Variants in CADM1 observed in about 807,000 individuals in gnomAD.
CADM1 encodes the protein TSLC-1.
CADM1 carries 15 observed loss-of-function variants against 53.1 expected under a neutral mutation model. The observed-to-expected ratio is 0.28, with a 90% CI of 0.19 to 0.44. The LOEUF (loss-of-function observed/expected upper bound fraction) is 0.44, where lower values mean the gene tolerates loss of function less well. CADM1 is among the 20% of genes least tolerant of loss of function. The pLI, the probability that CADM1 is intolerant of heterozygous loss-of-function variation, is 1.00. For missense variants in CADM1, 434 were observed against 611.3 expected (o/e 0.71, Z 3.06); for synonymous variants, 281 against 243.0 (o/e 1.16, Z -1.45).
intron 1 of CADM1, among the ~76,000 whole-genome samples, chr11:115,269,733 A>C (rs1425452803): frequency 6.6e-6 from 1 of 152,186 alleles, no homozygotes; most frequent in Admixed American, 6.5e-5. Context: ...ATACCCATCA[A>C]GTCATGTGAC....
chr11:115,346,835 C>T (rs959831346), intron 1 of CADM1, among the ~76,000 whole-genome samples: 1 of 152,028 alleles, frequency 6.6e-6, no homozygotes, highest in African/African-American at 2.4e-5. Flanking sequence ...AGAAGAGTGA[C>T]CATTACTAGC....
At chr11:115,436,716 T>C (rs1237480183) in intron 1 of CADM1, among the ~76,000 whole-genome samples, 2 of 152,198 alleles carry the variant, frequency 1.3e-5, no homozygotes, top group African/African-American at 4.8e-5. Flanking sequence ...ACCTCAATGG[T>C]ATGGTATGAG....
chr11:115,384,962 G>T (rs1311482199), intron 1 of CADM1, among the ~76,000 whole-genome samples: 1 of 152,048 alleles, frequency 6.6e-6, no homozygotes, highest in Non-Finnish European at 1.5e-5. Context: ...ACAGCTAAAA[G>T]ACATTTACCA....
At chr11:115,217,822 G>T in intron 6 of CADM1, 70 bp downstream of exon 6, 2 of 945,750 alleles carry the variant, frequency 2.1e-6, no homozygotes, top group Non-Finnish European at 3.5e-6. Flanking sequence ...AAGGACTGGT[G>T]AATGCACATG....
At chr11:115,271,509 C>T (rs1030544499) in intron 1 of CADM1, among the ~76,000 whole-genome samples, 7 of 152,180 alleles carry the variant, frequency 4.6e-5, no homozygotes, top group Admixed American at 1.3e-4. Context: ...GTCTCGATCT[C>T]CCGACCTTGT....
chr11:115,419,171 T>C (rs1163036854), intron 1 of CADM1, among the ~76,000 whole-genome samples: 7 of 152,222 alleles, frequency 4.6e-5, no homozygotes, highest in Non-Finnish European at 8.8e-5. Flanking sequence ...TAGAATTTCC[T>C]TCCTCTTTCA....
chr11:115,178,665 G>T lies in CADM1; in HGVS notation c.1276C>A (p.Arg426Ser). 1 of 1,613,244 alleles carries T rather than the reference G, an allele frequency of 6.2e-7. No homozygotes were observed. ...AMLCLLIILGRYFARHKGTYF... is the reference protein window; with the variant it reads ...AMLCLLIILGSYFARHKGTYF... Reference sequence around the variant, plus strand: ...TTACCTTTATGTCTGGCAAAATAGCGCCCCAGAATGATGAGCAAGCACAGC... The same window carrying T: ...TTACCTTTATGTCTGGCAAAATAGCTCCCCAGAATGATGAGCAAGCACAGC... The change falls in exon 11 of 12, where the codon CGC (arginine) becomes AGC (serine). Residue 426 changes from arginine to serine, a missense_variant. Transcript: ENST00000331581.
intron 8 of CADM1, among the ~76,000 whole-genome samples, chr11:115,205,667 T>G (rs796196242): frequency 1.3e-5 from 2 of 151,978 alleles, no homozygotes; most frequent in South Asian, 4.2e-4. Context: ...CACGGACAAT[T>G]TGACACAATA....
At chr11:115,418,316 C>CA (rs1252017891) in intron 1 of CADM1, among the ~76,000 whole-genome samples, 2 of 152,162 alleles carry the variant, frequency 1.3e-5, no homozygotes, top group African/African-American at 4.8e-5. Context: ...TTACACTTAA[C>CA]AAGAACGGCC....
At chr11:115,244,978 G>A (rs1942363302) in intron 1 of CADM1, among the ~76,000 whole-genome samples, 1 of 152,176 alleles carries the variant, frequency 6.6e-6, no homozygotes, top group African/African-American at 2.4e-5. Context: ...CTGCCTGGCT[G>A]TTCATCAATA....
At chr11:115,503,269 G>A (rs1273289224) in intron 1 of CADM1, among the ~76,000 whole-genome samples, 4 of 152,236 alleles carry the variant, frequency 2.6e-5, no homozygotes, top group Non-Finnish European at 5.9e-5. Context: ...CCGGCACACG[G>A]GCAGCCACAC....
chr11:115,250,215 C>T (rs974606089), intron 1 of CADM1, among the ~76,000 whole-genome samples: 1 of 152,162 alleles, frequency 6.6e-6, no homozygotes, highest in Non-Finnish European at 1.5e-5. Flanking sequence ...ACCAGTTATT[C>T]TTTATAAAAT....
At chr11:115,347,906 CTGTT>C (rs1945623689) in intron 1 of CADM1, among the ~76,000 whole-genome samples, 3 of 152,098 alleles carry the variant, frequency 2.0e-5, no homozygotes, top group Non-Finnish European at 2.9e-5. Flanking sequence ...CAATTACAAT[CTGTT>C]TGAAGAGAAA....
chr11:115,481,624 C>A (rs1949258968), intron 1 of CADM1, among the ~76,000 whole-genome samples: 1 of 152,172 alleles, frequency 6.6e-6, no homozygotes, highest in Non-Finnish European at 1.5e-5. Context: ...TCAAGCACAT[C>A]CTCTTTAATC....
intron 1 of CADM1, among the ~76,000 whole-genome samples, chr11:115,253,020 C>G (rs569827331): frequency 6.6e-6 from 1 of 152,160 alleles, no homozygotes; most frequent in African/African-American, 2.4e-5. Context: ...CTGGGCCTCA[C>G]TGGAAAAAGA....
intron 1 of CADM1, among the ~76,000 whole-genome samples, chr11:115,364,315 T>A (rs1243098667): frequency 6.6e-6 from 1 of 152,210 alleles, no homozygotes; most frequent in Non-Finnish European, 1.5e-5. Flanking sequence ...TTTATGCCCA[T>A]CCTTAAGTCT....
chr11:115,376,461 A>T (rs1337139956), intron 1 of CADM1, among the ~76,000 whole-genome samples: 1 of 152,220 alleles, frequency 6.6e-6, no homozygotes, highest in Non-Finnish European at 1.5e-5. Context: ...GAAAATTTCA[A>T]ATACAGGGAG....
At chr11:115,401,435 C>T (rs1419338477) in intron 1 of CADM1, among the ~76,000 whole-genome samples, 1 of 152,146 alleles carries the variant, frequency 6.6e-6, no homozygotes, top group African/African-American at 2.4e-5. Flanking sequence ...GGTGAAACCC[C>T]ATTTCTACTA....
At chr11:115,485,736 T>G (rs1747344353) in intron 1 of CADM1, among the ~76,000 whole-genome samples, 1 of 152,230 alleles carries the variant, frequency 6.6e-6, no homozygotes, top group Non-Finnish European at 1.5e-5. Context: ...AACCTCTTTT[T>G]CTTTATATAA....
Sources: allele counts gnomAD v4.1 joint callset (sites outside exome capture counted in the v4.1 genomes callset), GRCh38; gene constraint gnomAD v4.1.1; transcripts MANE v1.5; gene names NCBI Gene and HGNC (gene_info 2026-07-23, HGNC 2026-07-21).